The following RAD51B variants were observed in gnomAD, a reference collection of about 807,000 sequenced individuals.
RAD51B encodes DNA repair protein RAD51 homolog 2.
Under a neutral mutation model 42.2 loss-of-function variants are expected in RAD51B, and 38 were observed. That is an observed-to-expected ratio of 0.90 (90% CI 0.70 to 1.18). The LOEUF is 1.18. RAD51B is among the 50% of genes most tolerant of loss of function. RAD51B has a pLI of 0.00. For missense variants in RAD51B, 373 were observed against 400.7 expected, an observed-to-expected ratio of 0.93 and a Z score of 0.59; for synonymous variants, 154 against 145.2, an observed-to-expected ratio of 1.06 and a Z score of -0.43.
intron 7 of RAD51B, among the ~76,000 whole-genome samples, chr14:68,012,225 T>C (rs1430317049): frequency 6.6e-6 from 1 of 152,118 alleles, no homozygotes; most frequent in African/African-American, 2.4e-5. Flanking sequence ...TGTGTTTTCT[T>C]AATTTCATAT....
chr14:68,562,389 AG>A lies in RAD51B; in HGVS notation c.1037-32094del, dbSNP rs1889200272. 6 of 985,016 alleles carry A rather than the reference AG, an allele frequency of 6.1e-6. No homozygotes were observed. The South Asian group carries it at 2.8e-4, about 46-fold the overall frequency. 61.0% of individuals were successfully genotyped at this position (985,016 alleles called of 1,614,324 possible). On this transcript the variant is annotated intron_variant, in intron 10 of 10. Transcript: ENST00000487270. Reference sequence around the variant, plus strand: ...CAAAGGCTCTTGAGCAAATGCAGAAAGGAAATGGACTTATGCAGAGGCCCAT... The same window carrying A: ...CAAAGGCTCTTGAGCAAATGCAGAAAGAAATGGACTTATGCAGAGGCCCAT...
At chr14:68,541,826 C>T (rs1194186732) in intron 10 of RAD51B, 1 of 984,760 alleles carries the variant, frequency 1.0e-6, no homozygotes, top group Non-Finnish European at 1.2e-6. Context: ...CTATCTTTTA[C>T]AAGGCAGCCT....
chr14:68,428,004 G>T (rs1459715961), intron 9 of RAD51B, among the ~76,000 whole-genome samples: 4 of 152,184 alleles, frequency 2.6e-5, no homozygotes, highest in African/African-American at 9.7e-5. Context: ...TCACAGGAGT[G>T]AGTTCCTTAT....
chr14:68,587,841 G>C (rs2140071670), intron 10 of RAD51B, among the ~76,000 whole-genome samples: 1 of 152,350 alleles, frequency 6.6e-6, no homozygotes, highest in South Asian at 2.1e-4. Context: ...CTTTTGGTCA[G>C]TTCTGGCATT....
At chr14:68,220,773 A>G (rs921999636) in intron 7 of RAD51B, among the ~76,000 whole-genome samples, 2 of 152,186 alleles carry the variant, frequency 1.3e-5, no homozygotes, top group East Asian at 3.9e-4. Context: ...CAAGACACAA[A>G]ATTAACATAC....
chr14:68,430,352 T>C (rs1480526981), intron 9 of RAD51B, among the ~76,000 whole-genome samples: 3 of 152,240 alleles, frequency 2.0e-5, no homozygotes, highest in African/African-American at 7.2e-5. Context: ...ATGGCCATTT[T>C]CACGATACTG....
intron 7 of RAD51B, among the ~76,000 whole-genome samples, chr14:67,943,053 G>A (rs1172037702): frequency 6.6e-6 from 1 of 151,750 alleles, no homozygotes; most frequent in East Asian, 1.9e-4. Context: ...AAGATGGGTG[G>A]TCAAACTAAG....
chr14:68,598,564 C>G (rs1402517467), downstream of RAD51B, among the ~76,000 whole-genome samples: 1 of 152,234 alleles, frequency 6.6e-6, no homozygotes, highest in South Asian at 2.1e-4. Flanking sequence ...AAGCATTCCT[C>G]GGTCTGGGGT....
chr14:68,004,443 A>G lies in RAD51B; in HGVS notation c.756+117239A>G, dbSNP rs1019332317. Among the ~76,000 whole-genome samples the G allele has an allele frequency of 5.3e-5, 8 of 151,182 alleles. No homozygotes were observed. The South Asian group carries it at 1.7e-3, about 32-fold the overall frequency. On this transcript the variant is annotated intron_variant, in intron 7 of 10. Transcript: ENST00000471583. ...TAGTACCGATTTTTCTTTCTAGATT[A>G]TAGAAGAAGCTCAGCAGCTTTCTTC...
intron 8 of RAD51B, among the ~76,000 whole-genome samples, chr14:68,329,813 C>G (rs1240969400): frequency 6.6e-6 from 1 of 152,022 alleles, no homozygotes; most frequent in Non-Finnish European, 1.5e-5. Flanking sequence ...AACCCCGTCT[C>G]TACTAAAAGT....
At chr14:68,662,973 G>T (rs2140147593) in intron 11 of RAD51B, among the ~76,000 whole-genome samples, 1 of 152,328 alleles carries the variant, frequency 6.6e-6, no homozygotes, top group East Asian at 1.9e-4. Flanking sequence ...TCTGGCTTCA[G>T]TTGGGTTCTG....
chr14:67,963,628 G>T (rs1188849177), intron 7 of RAD51B, among the ~76,000 whole-genome samples: 1 of 151,740 alleles, frequency 6.6e-6, no homozygotes, highest in Non-Finnish European at 1.5e-5. Context: ...CCTGATCTCA[G>T]TTTCTTCATC....
intron 7 of RAD51B, among the ~76,000 whole-genome samples, chr14:68,170,453 T>C (rs1034297057): frequency 1.3e-5 from 2 of 152,224 alleles, no homozygotes; most frequent in African/African-American, 4.8e-5. Context: ...GAGGATATCC[T>C]TTTTATTACT....
At chr14:68,628,170 G>T (rs1892135248) in intron 10 of RAD51B, among the ~76,000 whole-genome samples, 1 of 152,226 alleles carries the variant, frequency 6.6e-6, no homozygotes, top group Non-Finnish European at 1.5e-5. Context: ...TCCAGTCATT[G>T]AAAATTTGGG....
chr14:68,095,971 C>CAAAAAAAAAAAA (rs56862052), intron 7 of RAD51B, among the ~76,000 whole-genome samples: 1 of 62,620 alleles, frequency 1.6e-5, no homozygotes, highest in African/African-American at 5.1e-5. Context: ...GACTCCGTCT[C>CAAAAAAAAAAAA]AAAAAAAAAA....
chr14:68,594,367 A>G lies in RAD51B; in HGVS notation c.1037-118A>G, dbSNP rs1163799209. The G allele has an allele frequency of 3.1e-6, 3 of 959,388 alleles. No homozygotes were observed. In the East Asian group the frequency reaches 1.5e-4, roughly 48 times the overall value. 59.4% of individuals were successfully genotyped at this position (959,388 alleles called of 1,614,324 possible). On this transcript the variant is annotated intron_variant, in intron 10 of 10. Coordinates refer to the RAD51B transcript ENST00000487270. Reference sequence around the variant, plus strand: ...CTACCGTTATGTACATTCCTATGCCATACCCCTTGAACTCTCCATCAGGTC... The same window carrying G: ...CTACCGTTATGTACATTCCTATGCCGTACCCCTTGAACTCTCCATCAGGTC...
intron 11 of RAD51B, among the ~76,000 whole-genome samples, chr14:68,666,087 G>A (rs887141425): frequency 3.3e-5 from 5 of 152,200 alleles, no homozygotes; most frequent in African/African-American, 1.2e-4. Flanking sequence ...TCATTTTTCT[G>A]TCACATGAAA....
chr14:68,563,786 G>C (rs17105847), intron 10 of RAD51B: 6 of 985,264 alleles, frequency 6.1e-6, no homozygotes, highest in Non-Finnish European at 7.2e-6. Flanking sequence ...CTGATTTTCC[G>C]TAAGAAACGA....
chr14:67,967,581 A>T (rs547163686), intron 7 of RAD51B, among the ~76,000 whole-genome samples: 1 of 152,210 alleles, frequency 6.6e-6, no homozygotes, highest in Admixed American at 6.5e-5. Flanking sequence ...GGCCCATGCA[A>T]GTACAAAATC....
Sources: gnomAD v4.1 joint callset for allele counts (sites outside exome capture counted in the v4.1 genomes callset) on GRCh38, gnomAD v4.1.1 for gene constraint, MANE v1.5 for transcripts, NCBI Gene and HGNC (gene_info 2026-07-23, HGNC 2026-07-21) for gene names.